CTNNA3: variants seen among roughly 807,000 people sequenced by gnomAD.
CTNNA3 encodes catenin alpha 3.
A neutral mutation model predicts 95.7 loss-of-function variants in CTNNA3; 76 were observed. The ratio of observed to expected loss-of-function variants is 0.79; its 90% confidence interval spans 0.66 to 0.96. CTNNA3 has a LOEUF of 0.96. Among genes scored for constraint, CTNNA3 ranks in the 40% least tolerant of loss-of-function variants. The pLI, the probability that CTNNA3 is intolerant of heterozygous loss-of-function variation, is 0.00. For synonymous variants in CTNNA3, 431 were observed against 374.4 expected (o/e 1.15, Z -1.74); for missense variants, 1,191 against 1,089.8 (o/e 1.09, Z -1.31).
intron 14 of CTNNA3, among the ~76,000 whole-genome samples, chr10:66,075,861 C>G (rs1216553337): frequency 6.6e-6 from 1 of 151,468 alleles, no homozygotes; most frequent in Non-Finnish European, 1.5e-5. Context: ...CTTTCCTTAA[C>G]TATAACTTTT....
intron 15 of CTNNA3, among the ~76,000 whole-genome samples, chr10:66,050,188 T>C (rs1358142386): frequency 6.6e-6 from 1 of 152,106 alleles, no homozygotes; most frequent in African/African-American, 2.4e-5. Context: ...AATTTGGATG[T>C]ATAATGAATA....
chr10:67,511,310 C>CAGT (rs1839618973), intron 5 of CTNNA3, among the ~76,000 whole-genome samples: 1 of 152,266 alleles, frequency 6.6e-6, no homozygotes, highest in African/African-American at 2.4e-5. Flanking sequence ...TTTGCCCAGT[C>CAGT]AGTATGATAT....
chr10:67,460,190 T>C (rs1265279280), intron 5 of CTNNA3, among the ~76,000 whole-genome samples: 2 of 152,178 alleles, frequency 1.3e-5, no homozygotes, highest in Non-Finnish European at 2.9e-5. Flanking sequence ...GAAAGCACTT[T>C]CCTATGGCTT....
In CTNNA3 at chr10:66,078,048, C is replaced by G. The variant is rs140561734; in HGVS notation, c.1978-8559G>C. ...AGGAGATTCTACTTGAGCTGTTAAC[C>G]CTTTTTCCACTTGATATCTTACTTT... On this transcript the variant is annotated intron_variant, in intron 14 of 17. Coordinates refer to ENST00000433211, the MANE Select transcript of CTNNA3 (RefSeq NM_013266.4). Among the ~76,000 whole-genome samples the G allele has an allele frequency of 2.6e-3, 388 of 151,916 alleles. 5 individuals carry two copies. Among genetic ancestry groups the G allele is most frequent in the African/African-American group, 9.0e-3 (375 of 41,506 alleles).
intron 15 of CTNNA3, among the ~76,000 whole-genome samples, chr10:66,019,093 T>C (rs1208628392): frequency 3.3e-5 from 5 of 152,146 alleles, no homozygotes; most frequent in Admixed American, 3.3e-4. Flanking sequence ...ATGTCATATG[T>C]TATCTATTTA....
chr10:67,606,989 T>G lies in CTNNA3; in HGVS notation c.160A>C (p.Arg54=). ...ACAGAAGCTAGAAGGACACTGGCTCTTTTCGAACGTCCTTTTTTCCTGCTG... is the reference window on the plus strand; with the variant it reads ...ACAGAAGCTAGAAGGACACTGGCTCGTTTCGAACGTCCTTTTTTCCTGCTG... ...PSSRKKGRSK[R]ASVLLASVEE... The change falls in exon 3 of 18, where the codon AGA becomes CGA. Residue 54 remains arginine (R), a synonymous_variant. Transcript: ENST00000433211. 1 of 1,614,142 alleles carries G rather than the reference T, an allele frequency of 6.2e-7. No individual in the cohort carries two copies. The highest frequency in any genetic ancestry group is 8.5e-7 in the Non-Finnish European group (1 of 1,179,978).
At chr10:66,934,253 C>A (rs1432488496) in intron 7 of CTNNA3, among the ~76,000 whole-genome samples, 1 of 151,976 alleles carries the variant, frequency 6.6e-6, no homozygotes. Context: ...ACTTTATTAA[C>A]AATTCTCCAT....
chr10:66,796,922 T>C (rs536148507), intron 7 of CTNNA3, among the ~76,000 whole-genome samples: 39 of 152,186 alleles, frequency 2.6e-4, no homozygotes, highest in African/African-American at 8.2e-4. Flanking sequence ...ACACATGTTC[T>C]GAGCTGTGAA....
intron 1 of CTNNA3, among the ~76,000 whole-genome samples, chr10:67,743,068 G>C (rs956522267): frequency 4.6e-5 from 7 of 151,234 alleles, no homozygotes; most frequent in South Asian, 2.1e-4. Flanking sequence ...AATTCTACCA[G>C]AGGTACAAAC....
chr10:66,239,096 T>G (rs191571521), intron 13 of CTNNA3, among the ~76,000 whole-genome samples: 1 of 151,854 alleles, frequency 6.6e-6, no homozygotes, highest in Non-Finnish European at 1.5e-5. Flanking sequence ...GGAAAAGAAA[T>G]AAGAACTATA....
intron 5 of CTNNA3, among the ~76,000 whole-genome samples, chr10:67,382,125 A>G (rs1411006025): frequency 1.3e-5 from 2 of 152,186 alleles, no homozygotes; most frequent in Non-Finnish European, 2.9e-5. Context: ...TTTTAACTAA[A>G]CATAGTTAAG....
At chr10:66,768,517 G>C (rs4508091) in intron 8 of CTNNA3, among the ~76,000 whole-genome samples, 1 of 152,102 alleles carries the variant, frequency 6.6e-6, no homozygotes, top group Non-Finnish European at 1.5e-5. Flanking sequence ...ATATATCTCT[G>C]TGTTAATGCT....
At chr10:67,559,932 A>T (rs1841431668) in intron 3 of CTNNA3, among the ~76,000 whole-genome samples, 1 of 152,208 alleles carries the variant, frequency 6.6e-6, no homozygotes, top group South Asian at 2.1e-4. Flanking sequence ...AGGGAAGTTT[A>T]GAGAAAAAAG....
At chr10:66,900,037 C>T (rs972512726) in intron 7 of CTNNA3, among the ~76,000 whole-genome samples, 8 of 152,154 alleles carry the variant, frequency 5.3e-5, no homozygotes, top group African/African-American at 1.4e-4. Flanking sequence ...AACAAACAGA[C>T]GGCCCCCTCA....
chr10:67,288,972 A>G (rs1048599572), intron 5 of CTNNA3, among the ~76,000 whole-genome samples: 5 of 152,100 alleles, frequency 3.3e-5, no homozygotes, highest in Non-Finnish European at 5.9e-5. Context: ...CTAAATAAAT[A>G]AATAACAGAT....
intron 5 of CTNNA3, among the ~76,000 whole-genome samples, chr10:67,231,445 C>A (rs952961380): frequency 6.6e-6 from 1 of 152,130 alleles, no homozygotes; most frequent in African/African-American, 2.4e-5. Flanking sequence ...GGTACTCCAA[C>A]AGACCTGCAG....
At chr10:67,541,076 T>C (rs970476685) in intron 3 of CTNNA3, among the ~76,000 whole-genome samples, 22 of 151,936 alleles carry the variant, frequency 1.4e-4, no homozygotes, top group Non-Finnish European at 2.7e-4. Context: ...ACATAAGTCA[T>C]TTCCAACTTT....
chr10:65,929,533 C>G (rs950215855), intron 17 of CTNNA3, among the ~76,000 whole-genome samples: 1 of 151,832 alleles, frequency 6.6e-6, no homozygotes, highest in Non-Finnish European at 1.5e-5. Context: ...TATACACATA[C>G]CCATGCACAT....
intron 1 of CTNNA3, among the ~76,000 whole-genome samples, chr10:67,692,261 G>T (rs1356780726): frequency 1.3e-5 from 2 of 149,812 alleles, no homozygotes; most frequent in Admixed American, 6.6e-5. Flanking sequence ...CATTGAGAAC[G>T]GGCCATGATG....
Sources: gnomAD v4.1 joint callset for allele counts (sites outside exome capture counted in the v4.1 genomes callset) on GRCh38, gnomAD v4.1.1 for gene constraint, MANE v1.5 for transcripts, NCBI Gene and HGNC (gene_info 2026-07-23, HGNC 2026-07-21) for gene names.